Variants in SIM1 observed in about 807,000 individuals in gnomAD.
The protein encoded by SIM1 is SIM bHLH transcription factor 1.
In SIM1, 18 loss-of-function variants were observed where a neutral mutation model predicts 78.2. The observed-to-expected ratio is 0.23, with a 90% CI of 0.16 to 0.34. The LOEUF is 0.34. Among genes scored for constraint, SIM1 ranks in the 10% least tolerant of loss-of-function variants. The pLI, the probability that SIM1 is intolerant of heterozygous loss-of-function variation, is 1.00. For missense variants in SIM1, 939 were observed against 975.1 expected (o/e 0.96, Z 0.49); for synonymous variants, 417 against 385.2 (o/e 1.08, Z -0.97).
At chr6:100,449,843 T>A (rs1399902413) in intron 4 of SIM1, 144 bp from the exon 5 acceptor site, 2 of 654,278 alleles carry the variant, frequency 3.1e-6, no homozygotes, top group Non-Finnish European at 5.5e-6. Flanking sequence ...CCAGCTCTGC[T>A]TCTTGCTACC....
At chr6:100,437,796 C>T (rs1296447036) in intron 9 of SIM1, among the ~76,000 whole-genome samples, 1 of 152,166 alleles carries the variant, frequency 6.6e-6, no homozygotes, top group African/African-American at 2.4e-5. Flanking sequence ...GAAATCACCA[C>T]ATACAAAGAG....
chr6:100,454,232 G>A (rs974711919), intron 2 of SIM1, among the ~76,000 whole-genome samples: 35 of 152,226 alleles, frequency 2.3e-4, no homozygotes, highest in Admixed American at 1.3e-3. Context: ...TCCGTTTCCC[G>A]AGGCCGAGCT....
Position 100,464,743 on chromosome 6 carries a change from G to A in SIM1, c.-597C>T, listed in dbSNP as rs1318192386. On this transcript the variant is annotated 5_prime_UTR_variant, in exon 1 of 12. Transcript: ENST00000369208. The stretch of plus-strand genomic sequence containing the variant: ...CGGCAGAGAGGAGCAGAGCATTCCC[G>A]GCTCCCTTTTCTGGATCATGAATTG... The A allele has an allele frequency of 1.3e-5, 2 of 152,332 alleles. No individual in the cohort carries two copies. The highest frequency in any genetic ancestry group is 4.8e-5 in the African/African-American group (2 of 41,430). 9.4% of individuals were successfully genotyped at this position (152,332 alleles called of 1,614,324 possible). A position where few individuals can be genotyped will look rare whatever the true frequency, so the allele number is the denominator to read the frequency against.
chr6:100,450,696 T>TCTCTCTCTCTCTCTCACACACA (rs1421452803), intron 3 of SIM1, among the ~76,000 whole-genome samples: 26 of 91,926 alleles, frequency 2.8e-4, no homozygotes, highest in Admixed American at 5.1e-4. Flanking sequence ...TCTCTCTCTC[T>TCTCTCTCTCTCTCTCACACACA]CACACACACA....
intron 2 of SIM1, among the ~76,000 whole-genome samples, chr6:100,457,082 A>G (rs1397988445): frequency 6.6e-6 from 1 of 152,218 alleles, no homozygotes; most frequent in Non-Finnish European, 1.5e-5. Flanking sequence ...CAGGCAGCAA[A>G]AATAAATTGA....
chr6:100,413,613 T>C (rs1193359965), intron 10 of SIM1, among the ~76,000 whole-genome samples: 1 of 152,178 alleles, frequency 6.6e-6, no homozygotes, highest in Non-Finnish European at 1.5e-5. Context: ...TAGGAATGCA[T>C]TCTAAATGCC....
intron 9 of SIM1, among the ~76,000 whole-genome samples, chr6:100,430,055 T>A (rs931546024): frequency 7.2e-5 from 11 of 152,196 alleles, no homozygotes; most frequent in Non-Finnish European, 1.0e-4. Context: ...GAGAATATAA[T>A]TTAAATTATT....
At chr6:100,427,168 A>T (rs1044436700) in intron 9 of SIM1, 1 of 152,152 alleles carries the variant, frequency 6.6e-6, no homozygotes, top group Non-Finnish European at 1.5e-5. Context: ...GACCTACTTT[A>T]TGTTTCATTT....
intron 9 of SIM1, among the ~76,000 whole-genome samples, chr6:100,442,032 A>T (rs1444248385): frequency 6.6e-6 from 1 of 152,206 alleles, no homozygotes; most frequent in Non-Finnish European, 1.5e-5. Context: ...CTTACTCAGC[A>T]TATCTGAGCC....
chr6:100,399,077 T>C (rs1203206610), intron 10 of SIM1, among the ~76,000 whole-genome samples: 2 of 152,094 alleles, frequency 1.3e-5, no homozygotes, highest in Non-Finnish European at 2.9e-5. Flanking sequence ...CAGGCATATT[T>C]GTCATTTGTA....
intron 3 of SIM1, among the ~76,000 whole-genome samples, chr6:100,450,599 G>A (rs1195463255): frequency 2.0e-5 from 3 of 152,018 alleles, no homozygotes; most frequent in Non-Finnish European, 4.4e-5. Flanking sequence ...CAAGGCTAGT[G>A]CCCTGTAAGA....
In SIM1 at chr6:100,390,142, A is replaced by C. The variant is rs1770599722; in HGVS notation, c.*219T>G. 1.8e-6 allele frequency: 1 copy of C among 558,076 alleles called. No individual in the cohort carries two copies. Among genetic ancestry groups the C allele is most frequent in the Non-Finnish European group, 3.1e-6 (1 of 320,486 alleles). 34.6% of individuals were successfully genotyped at this position (558,076 alleles called of 1,614,324 possible). ...TATCTATTCTGGTTCCCATATAATT[A>C]GAGGGGAAATTTGTGTATTCAATTT... On this transcript the variant is annotated 3_prime_UTR_variant, in exon 12 of 12. Transcript: ENST00000369208.
In SIM1 at chr6:100,448,124, A is replaced by T. The variant is rs1398386725; in HGVS notation, c.850+22T>A. The T allele has an allele frequency of 1.9e-6, 3 of 1,589,246 alleles. No individual in the cohort carries two copies. In the Middle Eastern group the frequency reaches 5.0e-4, roughly 263 times the overall value. ...GCGGATGCGCCAAGGTTGCTAGGGT[A>T]CGGGGCAGGGTGGCGCCTTACGCAA... On this transcript the variant is annotated intron_variant, in intron 8 of 11. Coordinates refer to ENST00000369208, the MANE Select transcript of SIM1 (RefSeq NM_005068.3).
Position 100,390,320 on chromosome 6 carries a change from G to A in SIM1, c.*41C>T, listed in dbSNP as rs1296316422. 1 of 1,579,216 alleles carries A rather than the reference G, an allele frequency of 6.3e-7. No individual in the cohort carries two copies. On this transcript the variant is annotated 3_prime_UTR_variant, in exon 12 of 12. Transcript: ENST00000369208. ...TAATGGGGTATTAAACTATAAATAT[G>A]TTTCAGAGATCCTTAAAGAACAAAA...
chr6:100,410,723 G>C (rs1400977762), intron 10 of SIM1, among the ~76,000 whole-genome samples: 1 of 152,108 alleles, frequency 6.6e-6, no homozygotes, highest in Non-Finnish European at 1.5e-5. Flanking sequence ...TGGCTCTGTA[G>C]GTATTTAAGC....
intron 2 of SIM1, among the ~76,000 whole-genome samples, chr6:100,454,729 G>A (rs916774087): frequency 6.6e-6 from 1 of 152,030 alleles, no homozygotes; most frequent in Non-Finnish European, 1.5e-5. Context: ...AACTTTCTCT[G>A]GTGATGCCCA....
intron 10 of SIM1, among the ~76,000 whole-genome samples, chr6:100,408,568 C>G (rs1049890130): frequency 1.3e-5 from 2 of 151,954 alleles, no homozygotes; most frequent in African/African-American, 4.8e-5. Flanking sequence ...ATAATCTTTA[C>G]TATGTTGTGT....
Position 100,388,804 on chromosome 6 carries a change from T to C in SIM1, c.*1557A>G, listed in dbSNP as rs745710322. The C allele has an allele frequency of 7.2e-5, 11 of 152,222 alleles. No homozygotes were observed. Among genetic ancestry groups the C allele is most frequent in the Admixed American group, 1.3e-4 (2 of 15,266 alleles). 9.4% of individuals were successfully genotyped at this position (152,222 alleles called of 1,614,324 possible). A position where few individuals can be genotyped will look rare whatever the true frequency, so the allele number is the denominator to read the frequency against. On this transcript the variant is annotated 3_prime_UTR_variant, in exon 12 of 12. Transcript: ENST00000369208. The stretch of plus-strand genomic sequence containing the variant: ...TCATTTTGCTTTAATTACTAGAGAA[T>C]AGAGCATTAAATAAATCTTGCTATT...
At chr6:100,455,646 GCTCT>G in intron 2 of SIM1, among the ~76,000 whole-genome samples, 2 of 152,232 alleles carry the variant, frequency 1.3e-5, no homozygotes, top group African/African-American at 2.4e-5. Flanking sequence ...GCCCTTGGGC[GCTCT>G]GGGGCCTACG....
Sources: gnomAD v4.1 joint callset for allele counts (sites outside exome capture counted in the v4.1 genomes callset) on GRCh38, gnomAD v4.1.1 for gene constraint, MANE v1.5 for transcripts, NCBI Gene and HGNC (gene_info 2026-07-23, HGNC 2026-07-21) for gene names.